CD82: variants seen among roughly 807,000 people sequenced by gnomAD.
CD82 encodes the protein CD82 molecule.
A neutral mutation model predicts 37.4 loss-of-function variants in CD82; 36 were observed. The ratio of observed to expected loss-of-function variants is 0.96; its 90% CI spans 0.74 to 1.27. CD82 has a LOEUF of 1.27. CD82 is among the 50% of genes most tolerant of loss of function. The pLI is 0.00. For missense variants in CD82, 340 were observed against 347.0 expected, an observed-to-expected ratio of 0.98 and a Z score of 0.16; for synonymous variants, 158 against 137.4, an observed-to-expected ratio of 1.15 and a Z score of -1.05.
chr11:44,569,314 G>C (rs1402189841), intron 1 of CD82, among the ~76,000 whole-genome samples: 4 of 152,164 alleles, frequency 2.6e-5, no homozygotes, highest in Non-Finnish European at 5.9e-5. Context: ...GTCTCTCGGA[G>C]GCTGGCTGGT....
intron 1 of CD82, among the ~76,000 whole-genome samples, chr11:44,574,129 G>C (rs777515020): frequency 1.3e-5 from 2 of 152,080 alleles, no homozygotes; most frequent in Non-Finnish European, 2.9e-5. Flanking sequence ...CTGTAGTCTT[G>C]GTCCCCAGAC....
chr11:44,598,983 A>G (rs1853269419), intron 3 of CD82, among the ~76,000 whole-genome samples: 1 of 152,226 alleles, frequency 6.6e-6, no homozygotes. Context: ...GGGAACCTGC[A>G]TCTTTGCCCA....
chr11:44,614,630 C>A (rs1293024835), intron 6 of CD82, among the ~76,000 whole-genome samples: 1 of 151,680 alleles, frequency 6.6e-6, no homozygotes, highest in East Asian at 1.9e-4. Context: ...ATACAGCATG[C>A]TTTCCCTTGT....
chr11:44,600,464 C>T (rs903775811), intron 4 of CD82, among the ~76,000 whole-genome samples: 4 of 152,198 alleles, frequency 2.6e-5, no homozygotes, highest in African/African-American at 9.6e-5. Flanking sequence ...TGGGGGAACA[C>T]TGGGGATGAG....
chr11:44,593,815 T>G (rs185278358), intron 2 of CD82, among the ~76,000 whole-genome samples: 4 of 152,290 alleles, frequency 2.6e-5, no homozygotes, highest in East Asian at 3.9e-4. Flanking sequence ...ATGAATTTTT[T>G]GGGGGACTCT....
chr11:44,619,128 G>A lies in CD82; in HGVS notation c.*2G>A. The A allele has an allele frequency of 6.2e-7, 1 of 1,612,698 alleles. No homozygotes were observed. The highest frequency in any genetic ancestry group is 1.3e-5 in the African/African-American group (1 of 74,878). ...TACAGCAAGGTCCCCAAGTACTGAG[G>A]CAGCTGCTATCCCCATCTCCCTGCC... On this transcript the variant is annotated 3_prime_UTR_variant, in exon 10 of 10. Transcript: ENST00000227155.
chr11:44,613,845 A>G (rs1159660935), intron 6 of CD82, among the ~76,000 whole-genome samples: 5 of 38,398 alleles, frequency 1.3e-4, no homozygotes, highest in African/African-American at 2.7e-4. Context: ...AAGCAAAACA[A>G]AAAAAAAAAA....
chr11:44,599,230 C>A (rs1853272716), intron 3 of CD82, among the ~76,000 whole-genome samples: 1 of 152,234 alleles, frequency 6.6e-6, no homozygotes, highest in South Asian at 2.1e-4. Context: ...GCAGCCTTGA[C>A]TTCCCTGGGG....
chr11:44,605,774 G>A (rs779548261), intron 6 of CD82, among the ~76,000 whole-genome samples: 6 of 152,154 alleles, frequency 3.9e-5, no homozygotes, highest in Non-Finnish European at 7.3e-5. Flanking sequence ...AAGATTATTC[G>A]AGATTATCTG....
In CD82 at chr11:44,620,183, G is replaced by C. The variant is rs936770053; in HGVS notation, c.*1057G>C. ...AGCTGGCCAGGGGCGGGGAGGAGGA[G>C]GATGGCTTCTCCTGGGAGAAGGTGG... is the stretch of plus-strand genomic sequence containing the variant. On this transcript the variant is annotated 3_prime_UTR_variant, in exon 10 of 10. Transcript: ENST00000227155. 6.6e-6 allele frequency: 1 copy of C among 151,916 alleles called. No individual in the cohort carries two copies. The highest frequency in any genetic ancestry group is 1.5e-5 in the Non-Finnish European group (1 of 68,208). The allele number at this position is 151,916 out of a possible 1,614,324, so 9.4% of individuals were successfully genotyped here. A position where few individuals can be genotyped will look rare whatever the true frequency, so the allele number is the denominator to read the frequency against.
rs146276178 is a variant in CD82, at chr11:44,591,327, A to G, written c.-20-3316A>G. On this transcript the variant is annotated intron_variant, in intron 2 of 9. Transcript: ENST00000227155. The stretch of plus-strand genomic sequence containing the variant: ...CCCCTCTGTGCCTCTGTTTGCATGT[A>G]GAGGGCTGAAGAGCTTAGCCCAGTG... 5.2e-4 allele frequency among the ~76,000 whole-genome samples: 79 copies of G among 152,316 alleles called. 2 individuals carry two copies. In the Middle Eastern group the frequency reaches 0.01, roughly 20 times the overall value.
At chr11:44,575,280 T>C (rs2134622440) in intron 1 of CD82, among the ~76,000 whole-genome samples, 1 of 152,378 alleles carries the variant, frequency 6.6e-6, no homozygotes, top group Non-Finnish European at 1.5e-5. Context: ...CTCTCCTCTC[T>C]GGGAGCCTGT....
intron 1 of CD82, among the ~76,000 whole-genome samples, chr11:44,576,080 T>C (rs1852887665): frequency 6.6e-6 from 1 of 152,220 alleles, no homozygotes; most frequent in Admixed American, 6.5e-5. Flanking sequence ...CTCCACTTCT[T>C]ATCCCCTGAC....
intron 4 of CD82, 109 bp from the exon 5 acceptor site, chr11:44,604,949 A>C: frequency 6.7e-7 from 1 of 1,492,796 alleles, no homozygotes; most frequent in Non-Finnish European, 9.3e-7. Flanking sequence ...AATGCAGCTG[A>C]CCCCAACACC....
At chr11:44,608,035 CAG>C (rs1025321737) in intron 6 of CD82, 5 of 152,180 alleles carry the variant, frequency 3.3e-5, no homozygotes, top group African/African-American at 1.2e-4. Context: ...TTCTGGAAGG[CAG>C]GGGGAAATTT....
At position 44,600,330 on chromosome 11, in the gene CD82, G is replaced by A. The variant is rs1590342063; in HGVS notation, c.136+100G>A. ...CATAAGTGCTTCGGCTTCAATGCCT[G>A]TTGCTTTTCCCGCTGACCTCAGGGA... On this transcript the variant is annotated intron_variant, in intron 4 of 9. Transcript: ENST00000227155. 4 of 1,136,732 alleles carry A rather than the reference G, an allele frequency of 3.5e-6. No homozygotes were observed. In the East Asian group the frequency reaches 9.6e-5, roughly 27 times the overall value. 70.4% of individuals were successfully genotyped at this position (1,136,732 alleles called of 1,614,324 possible). A position where few individuals can be genotyped will look rare whatever the true frequency, so the allele number is the denominator to read the frequency against.
intron 4 of CD82, among the ~76,000 whole-genome samples, 198 bp downstream of exon 4, chr11:44,600,428 C>T (rs778904702): frequency 3.5e-4 from 53 of 152,228 alleles, no homozygotes; most frequent in Admixed American, 6.5e-4. Context: ...ATTTTCTCTT[C>T]TTCCCCGAAC....
At chr11:44,581,552 C>T (rs1852979074) in intron 1 of CD82, among the ~76,000 whole-genome samples, 1 of 152,226 alleles carries the variant, frequency 6.6e-6, no homozygotes, top group South Asian at 2.1e-4. Context: ...TATAATTGCT[C>T]ATGTTCATGT....
rs144157905 is a variant in CD82, at chr11:44,595,371, G to C, written c.63+646G>C. Among the ~76,000 whole-genome samples the C allele has an allele frequency of 6.3e-4, 96 of 152,282 alleles. 2 individuals are homozygous for C. In the Middle Eastern group the frequency reaches 0.01, roughly 16 times the overall value. On this transcript the variant is annotated intron_variant, in intron 3 of 9. Transcript: ENST00000227155. Reference sequence around the variant, plus strand: ...ATGGACTGCCTCTTGCCTTGGAGTTGCTGGGATGGTGGGGTGTGTGTGTGA... The same window carrying C: ...ATGGACTGCCTCTTGCCTTGGAGTTCCTGGGATGGTGGGGTGTGTGTGTGA...
Sources: allele counts gnomAD v4.1 joint callset (sites outside exome capture counted in the v4.1 genomes callset), GRCh38; gene constraint gnomAD v4.1.1; transcripts MANE v1.5; gene names NCBI Gene and HGNC (gene_info 2026-07-23, HGNC 2026-07-21).